CNTN5: variants seen among roughly 807,000 people sequenced by gnomAD.
The protein encoded by CNTN5 is contactin-5.
A neutral mutation model predicts 129.1 loss-of-function variants in CNTN5; 77 were observed. The observed-to-expected ratio is 0.60, with a 90% confidence interval of 0.50 to 0.72. The LOEUF (loss-of-function observed/expected upper bound fraction) is 0.72, where lower values mean the gene tolerates loss of function less well. Among genes scored for constraint, CNTN5 ranks in the 30% least tolerant of loss-of-function variants. The pLI is 0.00. For synonymous variants in CNTN5, 509 were observed against 465.6 expected (o/e 1.09, Z -1.20); for missense variants, 1,478 against 1,328.8 (o/e 1.11, Z -1.75).
At chr11:100,237,599 A>G in intron 16 of CNTN5, among the ~76,000 whole-genome samples, 1 of 152,330 alleles carries the variant, frequency 6.6e-6, no homozygotes, top group South Asian at 2.1e-4. Context: ...TGGAATTACA[A>G]AGACGATTAG....
At chr11:99,180,630 T>C (rs185643973) in intron 1 of CNTN5, among the ~76,000 whole-genome samples, 80 of 152,322 alleles carry the variant, frequency 5.3e-4, no homozygotes, top group African/African-American at 1.7e-3. Context: ...TTGGTGACTG[T>C]TGTTTGTGTC....
At chr11:99,478,751 A>G (rs1269734210) in intron 2 of CNTN5, among the ~76,000 whole-genome samples, 1 of 152,186 alleles carries the variant, frequency 6.6e-6, no homozygotes, top group Non-Finnish European at 1.5e-5. Context: ...TTGTTTGAAA[A>G]TAAACCATTT....
chr11:99,736,185 T>C (rs1264671909), intron 3 of CNTN5, among the ~76,000 whole-genome samples: 1 of 152,182 alleles, frequency 6.6e-6, no homozygotes, highest in Non-Finnish European at 1.5e-5. Flanking sequence ...ACTTGCAGCT[T>C]TCAACAAAGT....
chr11:100,101,693 A>G (rs1945229932), intron 13 of CNTN5, among the ~76,000 whole-genome samples: 1 of 152,046 alleles, frequency 6.6e-6, no homozygotes, highest in Non-Finnish European at 1.5e-5. Flanking sequence ...GGCAGAGTAT[A>G]CTATACCCAA....
chr11:100,259,712 A>G (rs1950157192), intron 17 of CNTN5, among the ~76,000 whole-genome samples: 1 of 152,210 alleles, frequency 6.6e-6, no homozygotes, highest in South Asian at 2.1e-4. Context: ...AAATAATGAA[A>G]TTAAGGCAGA....
chr11:99,558,369 G>A (rs1948740149), intron 3 of CNTN5: 1 of 302,216 alleles, frequency 3.3e-6, no homozygotes, highest in African/African-American at 2.2e-5. Context: ...AGAAAGTTTT[G>A]TGTGTATGTT....
chr11:99,747,034 T>C (rs1944075574), intron 3 of CNTN5, among the ~76,000 whole-genome samples: 2 of 152,218 alleles, frequency 1.3e-5, no homozygotes, highest in Admixed American at 1.3e-4. Flanking sequence ...GCAACAATAT[T>C]CATTCTTCAA....
intron 19 of CNTN5, among the ~76,000 whole-genome samples, 186 bp from the exon 20 acceptor site, chr11:100,298,976 T>A (rs1944179): frequency 3.3e-5 from 5 of 151,348 alleles, no homozygotes; most frequent in East Asian, 3.9e-4. Context: ...TTCTTTTACC[T>A]TTAAAGCTTT....
At chr11:99,720,027 T>C (rs540312854) in intron 3 of CNTN5, among the ~76,000 whole-genome samples, 1 of 152,120 alleles carries the variant, frequency 6.6e-6, no homozygotes, top group East Asian at 1.9e-4. Context: ...GCAAAATTAG[T>C]AATAAATAGC....
intron 2 of CNTN5, among the ~76,000 whole-genome samples, chr11:99,475,493 G>T (rs1591125174): frequency 6.6e-6 from 1 of 152,100 alleles, no homozygotes; most frequent in Non-Finnish European, 1.5e-5. Context: ...ATAAATAGCT[G>T]CAGAGTACTT....
In CNTN5 at chr11:99,733,483, G is replaced by T. The variant is rs539631667; in HGVS notation, c.56-86061G>T. 3.3e-5 allele frequency among the ~76,000 whole-genome samples: 5 copies of T among 152,032 alleles called. No individual in the cohort carries two copies. In the East Asian group the frequency reaches 7.7e-4, roughly 24 times the overall value. ...AGCAAAAATGAAAAGATAACTGGGAGGGTCTATGGAAACTGAATAAAGGTG... is the reference window on the plus strand; with the variant it reads ...AGCAAAAATGAAAAGATAACTGGGATGGTCTATGGAAACTGAATAAAGGTG... On this transcript the variant is annotated intron_variant, in intron 3 of 24. Coordinates refer to ENST00000524871, the MANE Select transcript of CNTN5 (RefSeq NM_014361.4).
At chr11:100,122,436 A>G (rs1465503459) in intron 13 of CNTN5, among the ~76,000 whole-genome samples, 1 of 152,030 alleles carries the variant, frequency 6.6e-6, no homozygotes, top group African/African-American at 2.4e-5. Flanking sequence ...TCACTTGCTA[A>G]TCTTCTCTGG....
chr11:99,814,715 T>A (rs1946529131), intron 3 of CNTN5, among the ~76,000 whole-genome samples: 1 of 151,610 alleles, frequency 6.6e-6, no homozygotes, highest in African/African-American at 2.4e-5. Flanking sequence ...AGTGAAAGAG[T>A]GTTAGGATCA....
At chr11:100,153,610 G>A (rs894922461) in intron 13 of CNTN5, among the ~76,000 whole-genome samples, 4 of 151,990 alleles carry the variant, frequency 2.6e-5, no homozygotes, top group East Asian at 1.9e-4. Flanking sequence ...ATCAAATGGC[G>A]TGAATACTAA....
intron 8 of CNTN5, among the ~76,000 whole-genome samples, chr11:99,999,949 C>G (rs1208182490): frequency 6.7e-6 from 1 of 149,462 alleles, no homozygotes; most frequent in Non-Finnish European, 1.5e-5. Flanking sequence ...TAGATAGGAA[C>G]TGAACAATGA....
chr11:100,312,423 C>T (rs1229278363), intron 21 of CNTN5, among the ~76,000 whole-genome samples: 4 of 152,022 alleles, frequency 2.6e-5, no homozygotes, highest in African/African-American at 9.7e-5. Context: ...ACATCTGGAA[C>T]TTACTGCTCT....
chr11:99,351,471 T>G (rs1938294559), intron 2 of CNTN5, among the ~76,000 whole-genome samples: 1 of 152,256 alleles, frequency 6.6e-6, no homozygotes, highest in African/African-American at 2.4e-5. Flanking sequence ...TTCCTCCTTC[T>G]ATGCTTACAT....
At chr11:99,110,461 A>T (rs1361086872) in intron 1 of CNTN5, among the ~76,000 whole-genome samples, 1 of 152,144 alleles carries the variant, frequency 6.6e-6, no homozygotes, top group Non-Finnish European at 1.5e-5. Flanking sequence ...CATTGTAAGT[A>T]TTGTAAGCAA....
chr11:99,820,463 T>A (rs530227885), intron 4 of CNTN5, among the ~76,000 whole-genome samples: 1 of 152,304 alleles, frequency 6.6e-6, no homozygotes, highest in Non-Finnish European at 1.5e-5. Context: ...CACTAAGATA[T>A]CAGTTAAATT....
Sources: gnomAD v4.1 joint callset for allele counts (sites outside exome capture counted in the v4.1 genomes callset) on GRCh38, gnomAD v4.1.1 for gene constraint, MANE v1.5 for transcripts, NCBI Gene and HGNC (gene_info 2026-07-23, HGNC 2026-07-21) for gene names.